Variants in GPC3 observed in about 807,000 individuals in gnomAD.
The protein encoded by GPC3 is glypican-3.
In GPC3, 3 loss-of-function variants were observed where a neutral mutation model predicts 34.4. That is an observed-to-expected ratio of 0.09 (90% confidence interval 0.04 to 0.23). GPC3 has a LOEUF of 0.23. Ranked by LOEUF, GPC3 falls within the 10% of genes least tolerant of loss-of-function variation. GPC3 has a pLI of 1.00. For missense variants in GPC3, 351 were observed against 445.6 expected (o/e 0.79, Z 1.91); for synonymous variants, 177 against 174.0 (o/e 1.02, Z -0.13).
intron 5 of GPC3, among the ~76,000 whole-genome samples, chrX:133,666,093 C>T (rs933292296): frequency 2.1e-4 from 24 of 112,036 alleles, no homozygotes; most frequent in African/African-American, 6.5e-4. Flanking sequence ...GCTTCCAAAA[C>T]CATTATAAAT....
At chrX:133,804,361 C>T (rs952622454) in intron 2 of GPC3, among the ~76,000 whole-genome samples, 12 of 110,690 alleles carry the variant, frequency 1.1e-4, no homozygotes, top group African/African-American at 3.9e-4. Context: ...TCTCCAAAGG[C>T]AGGACCCAAG....
intron 2 of GPC3, among the ~76,000 whole-genome samples, chrX:133,871,452 G>A (rs1366958142): frequency 9.0e-6 from 1 of 111,649 alleles, no homozygotes. Flanking sequence ...TTCTATGTGA[G>A]AGACATCATG....
intron 2 of GPC3, among the ~76,000 whole-genome samples, chrX:133,937,460 T>C (rs979723780): frequency 2.4e-4 from 27 of 111,508 alleles, no homozygotes; most frequent in Admixed American, 2.4e-3. Context: ...TGATTACAAA[T>C]TAATACCCCT....
intron 2 of GPC3, among the ~76,000 whole-genome samples, chrX:133,854,864 A>G (rs1007502845): frequency 1.8e-5 from 2 of 112,256 alleles, no homozygotes; most frequent in African/African-American, 6.5e-5. Flanking sequence ...TGGTATATCC[A>G]CACAAGTGAA....
At chrX:133,745,110 T>C (rs1195495092) in intron 3 of GPC3, among the ~76,000 whole-genome samples, 2 of 111,506 alleles carry the variant, frequency 1.8e-5, no homozygotes, top group Admixed American at 1.9e-4. Flanking sequence ...CGTATACCTA[T>C]GTAACAAACC....
At chrX:133,811,763 T>C (rs775200093) in intron 2 of GPC3, among the ~76,000 whole-genome samples, 15 of 111,978 alleles carry the variant, frequency 1.3e-4, no homozygotes, top group Non-Finnish European at 2.8e-4. Context: ...GCTGCTCATG[T>C]AGGTCAAAAT....
chrX:133,717,211 C>T (rs771876946), intron 3 of GPC3, among the ~76,000 whole-genome samples: 5 of 110,501 alleles, frequency 4.5e-5, no homozygotes, highest in African/African-American at 1.7e-4. Context: ...ATCTGCCCAC[C>T]TCAGCCTCCC....
At chrX:133,578,443 C>A in intron 7 of GPC3, among the ~76,000 whole-genome samples, 1 of 112,268 alleles carries the variant, frequency 8.9e-6, no homozygotes, top group Non-Finnish European at 1.9e-5. Context: ...AATCCCAGCA[C>A]TTTGGGAGAC....
intron 3 of GPC3, among the ~76,000 whole-genome samples, chrX:133,747,537 CT>C (rs1371871425): frequency 5.4e-5 from 6 of 111,868 alleles, no homozygotes; most frequent in Non-Finnish European, 9.4e-5. Context: ...TAAAAACCTA[CT>C]TAGTCTGTGT....
At chrX:133,622,168 C>T (rs1419990466) in intron 6 of GPC3, among the ~76,000 whole-genome samples, 2 of 111,833 alleles carry the variant, frequency 1.8e-5, no homozygotes, top group South Asian at 7.5e-4. Context: ...CATCATCAAA[C>T]ACCAAAGGTA....
intron 3 of GPC3, among the ~76,000 whole-genome samples, chrX:133,714,132 T>C (rs1017695556): frequency 1.5e-4 from 17 of 111,715 alleles, no homozygotes; most frequent in Non-Finnish European, 3.0e-4. Context: ...TCAGAGAAAA[T>C]ATCCCTAATT....
intron 2 of GPC3, among the ~76,000 whole-genome samples, chrX:133,884,677 G>A (rs2076055203): frequency 9.0e-6 from 1 of 111,206 alleles, no homozygotes; most frequent in African/African-American, 3.3e-5. Context: ...AGAACTTCAG[G>A]AATATTAACA....
intron 2 of GPC3, among the ~76,000 whole-genome samples, chrX:133,911,256 TC>T (rs1429811837): frequency 3.6e-5 from 4 of 112,122 alleles, no homozygotes; most frequent in Non-Finnish European, 3.8e-5. Flanking sequence ...AAATTAACAT[TC>T]TACAAATTTT....
intron 6 of GPC3, among the ~76,000 whole-genome samples, chrX:133,642,719 C>T (rs1185707419): frequency 1.0e-4 from 10 of 97,077 alleles, no homozygotes; most frequent in Non-Finnish European, 1.6e-4. Flanking sequence ...TTGCGGTGAG[C>T]TGAGATCGCA....
chrX:133,676,947 A>G (rs146648499), intron 5 of GPC3, among the ~76,000 whole-genome samples: 3,344 of 108,201 alleles, frequency 0.031, 126 homozygotes, highest in African/African-American at 0.1. Flanking sequence ...CACTCCCCCA[A>G]TGTCTCTCTC....
chrX:133,718,520 C>T (rs763454707), intron 3 of GPC3, among the ~76,000 whole-genome samples: 1 of 111,288 alleles, frequency 9.0e-6, no homozygotes, highest in Admixed American at 9.6e-5. Context: ...AACTGAGAAG[C>T]AAGACATAAA....
chrX:133,965,591 T>C lies in GPC3; in HGVS notation c.176-12380A>G, dbSNP rs142006744. On this transcript the variant is annotated intron_variant, in intron 1 of 7. Coordinates refer to ENST00000370818, the MANE Select transcript of GPC3 (RefSeq NM_004484.4). Reference sequence around the variant, plus strand: ...AAGAGAGCACAGCCCTGCTGACCCATTGATTTTGGACTTCTGACCATGAGG... The same window carrying C: ...AAGAGAGCACAGCCCTGCTGACCCACTGATTTTGGACTTCTGACCATGAGG... 8.0e-3 allele frequency among the ~76,000 whole-genome samples: 894 copies of C among 111,335 alleles called. 14 individuals carry two copies. The highest frequency in any genetic ancestry group is 0.028 in the African/African-American group (855 of 30,622).
chrX:133,630,546 T>A (rs1218878054), intron 6 of GPC3, among the ~76,000 whole-genome samples: 2 of 111,717 alleles, frequency 1.8e-5, no homozygotes, highest in Non-Finnish European at 3.8e-5. Flanking sequence ...TTAATGAAAT[T>A]ACGAAACTCT....
At chrX:133,696,578 A>C (rs1021861034) in intron 4 of GPC3, among the ~76,000 whole-genome samples, 1 of 112,431 alleles carries the variant, frequency 8.9e-6, no homozygotes, top group African/African-American at 3.2e-5. Flanking sequence ...TTAATTACCC[A>C]TGTATGACAC....
Sources: allele counts gnomAD v4.1 joint callset (sites outside exome capture counted in the v4.1 genomes callset), GRCh38; gene constraint gnomAD v4.1.1; transcripts MANE v1.5; gene names NCBI Gene and HGNC (gene_info 2026-07-23, HGNC 2026-07-21).